Variants in PIK3R4 observed in about 807,000 individuals in gnomAD.
PIK3R4 encodes the protein phosphoinositide 3-kinase regulatory subunit 4.
A neutral mutation model predicts 136.5 loss-of-function variants in PIK3R4; 46 were observed. The ratio of observed to expected loss-of-function variants is 0.34; its 90% CI spans 0.27 to 0.43. The LOEUF is 0.43. Ranked by LOEUF, PIK3R4 falls within the 20% of genes least tolerant of loss-of-function variation. The pLI, the probability that PIK3R4 is intolerant of heterozygous loss-of-function variation, is 1.00. For synonymous variants in PIK3R4, 557 were observed against 566.7 expected (o/e 0.98, Z 0.24); for missense variants, 1,331 against 1,649.5 (o/e 0.81, Z 3.35).
At position 130,679,136 on chromosome 3, in the gene PIK3R4, G is replaced by C. The variant is rs2066437545; in HGVS notation, c.*179C>G. On this transcript the variant is annotated 3_prime_UTR_variant, in exon 20 of 20. Transcript: ENST00000356763. ...CTGATTCTTGCAAAGAGATGCATAA[G>C]TAAACTAGTCAAGTACATCTTAACC... is the stretch of plus-strand genomic sequence containing the variant. The C allele has an allele frequency of 2.7e-6, 1 of 371,318 alleles. No homozygotes were observed. The highest frequency in any genetic ancestry group is 4.8e-6 in the Non-Finnish European group (1 of 209,574). 23.0% of individuals were successfully genotyped at this position (371,318 alleles called of 1,614,324 possible). A position where few individuals can be genotyped will look rare whatever the true frequency, so the allele number is the denominator to read the frequency against.
chr3:130,721,194 G>A lies in PIK3R4; in HGVS notation c.1981+2220C>T, dbSNP rs188516861. Reference sequence around the variant, plus strand: ...ACTAAAAATACAAAAAAAATTAGCCGGGCATGGTAGCGGGCGCCTGTAGTC... The same window carrying A: ...ACTAAAAATACAAAAAAAATTAGCCAGGCATGGTAGCGGGCGCCTGTAGTC... On this transcript the variant is annotated intron_variant, in intron 7 of 19. Coordinates refer to ENST00000356763, the MANE Select transcript of PIK3R4 (RefSeq NM_014602.3). Among the ~76,000 whole-genome samples, 458 of 151,808 alleles carry A rather than the reference G, an allele frequency of 3.0e-3. 5 individuals are homozygous for A. Among genetic ancestry groups the A allele is most frequent in the African/African-American group, 0.011 (435 of 41,406 alleles).
intron 13 of PIK3R4, among the ~76,000 whole-genome samples, chr3:130,695,195 A>C (rs1398456098): frequency 1.3e-5 from 2 of 152,064 alleles, no homozygotes; most frequent in African/African-American, 4.8e-5. Flanking sequence ...AGATTTTTAC[A>C]CCTATATTAA....
At chr3:130,717,915 T>G (rs919050388) in intron 8 of PIK3R4, among the ~76,000 whole-genome samples, 1 of 152,194 alleles carries the variant, frequency 6.6e-6, no homozygotes, top group African/African-American at 2.4e-5. Flanking sequence ...CACCAAGTAC[T>G]GCTAAAGGTG....
At chr3:130,690,828 T>C (rs1351425591) in intron 13 of PIK3R4, among the ~76,000 whole-genome samples, 174 bp from the exon 14 acceptor site, 1 of 152,010 alleles carries the variant, frequency 6.6e-6, no homozygotes, top group African/African-American at 2.4e-5. Context: ...TTGCCTTTTC[T>C]TCCGATATTT....
chr3:130,683,833 G>A (rs1307762894), intron 16 of PIK3R4, among the ~76,000 whole-genome samples: 1 of 152,092 alleles, frequency 6.6e-6, no homozygotes, highest in African/African-American at 2.4e-5. Flanking sequence ...ATCATGCCCA[G>A]GAGCCATAAA....
rs1443807729 is a variant in PIK3R4 at position 130,735,989 on chromosome 3, A to C, written c.747T>G (p.Ala249=). The C allele has an allele frequency of 2.5e-6, 4 of 1,609,434 alleles. No individual in the cohort carries two copies. Among genetic ancestry groups the C allele is most frequent in the East Asian group, 2.2e-5 (1 of 44,724 alleles). The part of the protein sequence containing the change: ...MDIFSAGCVI[A]ELFTEGVPLF... ...ATGGTACACCTTCTGTAAAAAGCTCAGCTATCACACAACCTGAAAAATAGC... is the reference window on the plus strand; with the variant it reads ...ATGGTACACCTTCTGTAAAAAGCTCCGCTATCACACAACCTGAAAAATAGC... Residue 249 remains alanine, a synonymous_variant, in exon 3 of 20, where the codon GCT becomes GCG. Coordinates refer to ENST00000356763, the MANE Select transcript of PIK3R4 (RefSeq NM_014602.3).
chr3:130,713,705 C>T (rs530676942), intron 9 of PIK3R4, among the ~76,000 whole-genome samples: 326 of 152,234 alleles, frequency 2.1e-3, no homozygotes, highest in African/African-American at 7.2e-3. Context: ...TAGAGTCTTG[C>T]TCTGTCACCC....
chr3:130,728,530 G>A lies in PIK3R4; in HGVS notation c.1740C>T (p.His580=), dbSNP rs1445962007. The change falls in exon 6 of 20, where the codon CAC becomes CAT. Residue 580 remains histidine, a synonymous_variant. Transcript: ENST00000356763. ...RQKANDVLLS[H]MITFLNDKND... is the part of the protein sequence containing the mutation. ...TCTTATCATTTAGGAAAGTAATCAT[G>A]TGGGACAACAAAACATCGTTGGCTT... is the stretch of plus-strand genomic sequence containing the variant. 6 of 1,613,580 alleles carry A rather than the reference G, an allele frequency of 3.7e-6. No individual in the cohort carries two copies. In the South Asian group the frequency reaches 6.6e-5, roughly 18 times the overall value.
intron 2 of PIK3R4, among the ~76,000 whole-genome samples, chr3:130,741,454 A>G (rs776688655): frequency 7.9e-5 from 12 of 152,214 alleles, no homozygotes; most frequent in Non-Finnish European, 1.6e-4. Context: ...CTAATGCAGC[A>G]GTGAATTCAT....
rs1160505698 is a variant in PIK3R4, at chr3:130,699,698, C to T, written c.3098+4025G>A. Among the ~76,000 whole-genome samples the T allele has an allele frequency of 6.6e-5, 10 of 152,276 alleles. No homozygotes were observed. In the East Asian group the frequency reaches 1.5e-3, roughly 23 times the overall value. On this transcript the variant is annotated intron_variant, in intron 13 of 19. Coordinates refer to ENST00000356763, the MANE Select transcript of PIK3R4 (RefSeq NM_014602.3). Reference sequence around the variant, plus strand: ...AGGAACAGATTTTTGGAGGTCCTTACTCTGCCATTCCAAAATAGAAACCCC... The same window carrying T: ...AGGAACAGATTTTTGGAGGTCCTTATTCTGCCATTCCAAAATAGAAACCCC...
At chr3:130,713,596 A>C (rs1642047708) in intron 9 of PIK3R4, among the ~76,000 whole-genome samples, 1 of 152,176 alleles carries the variant, frequency 6.6e-6, no homozygotes, top group South Asian at 2.1e-4. Context: ...GCAAGGTAAA[A>C]AGAAGAGATG....
Position 130,708,478 on chromosome 3 carries a change from T to G in PIK3R4, c.2346A>C (p.Glu782Asp). The G allele has an allele frequency of 1.2e-6, 2 of 1,612,604 alleles. No homozygotes were observed. Among genetic ancestry groups the G allele is most frequent in the Non-Finnish European group, 1.7e-6 (2 of 1,178,822 alleles). ...TCAGTGCCAGAAGTTTGTCTTCCTC[T>G]TCCTCTGTCATTCCCTAAAACCAAA... The part of the protein sequence containing the change: ...KKLLSQGMTE[E>D]EEDKLLALKD... The change falls in exon 10 of 20, where the codon GAA becomes GAC. Residue 782 changes from glutamate to aspartate, a missense_variant. Glu to Asp is a conservative substitution (Grantham distance 45). Around this residue, in one of 2 missense-constraint regions of PIK3R4, gnomAD observed 1,180 missense variants for 1,407.0 expected, o/e 0.84. Transcript: ENST00000356763.
chr3:130,718,331 T>A, intron 8 of PIK3R4, 58 bp downstream of exon 8: 1 of 1,485,908 alleles, frequency 6.7e-7, no homozygotes, highest in Non-Finnish European at 9.3e-7. Flanking sequence ...CTCTAAACAT[T>A]TTTTTTAAAG....
At chr3:130,742,036 ACT>A (rs1350651451) in intron 2 of PIK3R4, among the ~76,000 whole-genome samples, 1 of 152,186 alleles carries the variant, frequency 6.6e-6, no homozygotes, top group East Asian at 1.9e-4. Context: ...CCTGCTTTAC[ACT>A]GTTTCACTTA....
Position 130,703,888 on chromosome 3 carries a change from C to T in PIK3R4, c.2933G>A (p.Gly978Glu). ...AEWESKPPPP[G>E]WRPKGLLVAH... ...AACTAACAGCCCTTTAGGACGCCATCCTAAGGAAAAGCAAAGGAGTGTATC... is the reference window on the plus strand; with the variant it reads ...AACTAACAGCCCTTTAGGACGCCATTCTAAGGAAAAGCAAAGGAGTGTATC... The change falls in exon 13 of 20, where the codon GGA (glycine) becomes GAA (glutamate). Residue 978 changes from glycine to glutamate, a missense_variant and splice_region_variant. Coordinates refer to ENST00000356763, the MANE Select transcript of PIK3R4 (RefSeq NM_014602.3). 6.2e-7 allele frequency: 1 copy of T among 1,606,380 alleles called. No homozygotes were observed. The highest frequency in any genetic ancestry group is 8.5e-7 in the Non-Finnish European group (1 of 1,174,784).
At position 130,744,916 on chromosome 3, in the gene PIK3R4, G is replaced by C. The variant is rs1290692756; in HGVS notation, c.303C>G (p.Leu101=). The change falls in exon 2 of 20, where the codon CTC becomes CTG. Residue 101 remains leucine, a synonymous_variant. Coordinates refer to ENST00000356763, the MANE Select transcript of PIK3R4 (RefSeq NM_014602.3). The stretch of plus-strand genomic sequence containing the variant: ...GATTGTCTCGCACATACTGCCTAAA[G>C]AGCATAGCTGCTTTCTCAGATGCTT... The part of the protein sequence containing the change: ...SEKASEKAAM[L]FRQYVRDNLY... The C allele has an allele frequency of 6.2e-7, 1 of 1,614,030 alleles. No individual in the cohort carries two copies. Among genetic ancestry groups the C allele is most frequent in the Admixed American group, 1.7e-5 (1 of 60,002 alleles).
chr3:130,735,105 T>C (rs2066778979), intron 3 of PIK3R4, among the ~76,000 whole-genome samples: 1 of 152,160 alleles, frequency 6.6e-6, no homozygotes, highest in African/African-American at 2.4e-5. Context: ...CAACTCCTCA[T>C]CCAGTGCACT....
chr3:130,728,397 G>A, intron 6 of PIK3R4, 66 bp downstream of exon 6: 1 of 935,886 alleles, frequency 1.1e-6, no homozygotes, highest in South Asian at 1.8e-5. Context: ...CTATCCTTCA[G>A]ATTGCATGGA....
intron 5 of PIK3R4, 123 bp downstream of exon 5, chr3:130,730,185 C>T: frequency 2.8e-6 from 2 of 714,726 alleles, no homozygotes; most frequent in Middle Eastern, 3.8e-4. Flanking sequence ...GGGACTCTTC[C>T]TATCTAATAT....
Sources: allele counts gnomAD v4.1 joint callset (sites outside exome capture counted in the v4.1 genomes callset), GRCh38; gene constraint gnomAD v4.1.1; regional missense constraint gnomAD v4.1.1; transcripts MANE v1.5; gene names NCBI Gene and HGNC (gene_info 2026-07-23, HGNC 2026-07-21).